TPPP: variants seen among roughly 807,000 people sequenced by gnomAD.
The protein encoded by TPPP is tubulin polymerization-promoting protein.
Under a neutral mutation model 15.5 loss-of-function variants are expected in TPPP, and 6 were observed. That is an observed-to-expected ratio of 0.39 (90% confidence interval 0.21 to 0.77). The LOEUF (loss-of-function observed/expected upper bound fraction) is 0.77, where lower values mean the gene tolerates loss of function less well. TPPP is among the 30% of genes least tolerant of loss of function. The probability of loss-of-function intolerance (pLI) is 0.42; values close to 1 mark genes in which losing one functional copy is unlikely to be tolerated. For synonymous variants in TPPP, 146 were observed against 133.9 expected, an observed-to-expected ratio of 1.09 and a Z score of -0.63; for missense variants, 269 against 307.2, an observed-to-expected ratio of 0.88 and a Z score of 0.93.
intron 2 of TPPP, among the ~76,000 whole-genome samples, chr5:671,402 C>T (rs890048177): frequency 3.9e-5 from 6 of 152,126 alleles, no homozygotes; most frequent in Admixed American, 6.5e-5. Flanking sequence ...CGGCTGCCTC[C>T]ATCCACCCCA....
intron 1 of TPPP, among the ~76,000 whole-genome samples, chr5:678,672 A>G (rs1209887680): frequency 6.7e-6 from 1 of 148,648 alleles, no homozygotes; most frequent in Non-Finnish European, 1.5e-5. Context: ...TGCTCTTCCC[A>G]GGAGCCCTGG....
Position 665,135 on chromosome 5 carries a change from G to A in TPPP, c.627C>T (p.Gly209=). Reference sequence around the variant, plus strand: ...CCCCTTGCACCTTCTGGTCGTAGGTGCCTGCGTGCTTGTAGCCGGACACAT... The same window carrying A: ...CCCCTTGCACCTTCTGGTCGTAGGTACCTGCGTGCTTGTAGCCGGACACAT... The part of the protein sequence containing the change: ...SGYVSGYKHA[G]TYDQKVQGGK Residue 209 remains glycine (G), a synonymous_variant, in exon 4 of 4, where the codon GGC becomes GGT. Coordinates refer to ENST00000360578, the MANE Select transcript of TPPP (RefSeq NM_007030.3). 6.2e-7 allele frequency: 1 copy of A among 1,612,586 alleles called. No homozygotes were observed. Among genetic ancestry groups the A allele is most frequent in the South Asian group, 1.1e-5 (1 of 91,082 alleles).
intron 1 of TPPP, among the ~76,000 whole-genome samples, chr5:686,843 A>C (rs1248167783): frequency 7.0e-6 from 1 of 142,514 alleles, no homozygotes; most frequent in Non-Finnish European, 1.6e-5. Context: ...AGATTCAGCT[A>C]TGGGGGCCAG....
At chr5:686,567 G>C (rs409577) in intron 1 of TPPP, among the ~76,000 whole-genome samples, 81,800 of 122,860 alleles carry the variant, frequency 0.67, 29,482 homozygotes, top group African/African-American at 0.9. Context: ...TGGAACCAGG[G>C]CAGCTCTGGG....
intron 2 of TPPP, among the ~76,000 whole-genome samples, chr5:668,984 T>G (rs113366310): frequency 3.3e-5 from 5 of 152,278 alleles, no homozygotes; most frequent in East Asian, 3.9e-4. Flanking sequence ...AGGGTTCCCA[T>G]ACACTTTACA....
At chr5:670,331 C>T (rs1740172680) in intron 2 of TPPP, among the ~76,000 whole-genome samples, 1 of 152,190 alleles carries the variant, frequency 6.6e-6, no homozygotes, top group Non-Finnish European at 1.5e-5. Flanking sequence ...CTCCCCTGGG[C>T]TCTCTGGGCC....
chr5:671,671 AC>A (rs540046512), intron 2 of TPPP, among the ~76,000 whole-genome samples: 165 of 152,288 alleles, frequency 1.1e-3, no homozygotes, highest in Non-Finnish European at 1.7e-3. Flanking sequence ...AAGCTCCTGA[AC>A]CCTCAGCCAC....
intron 2 of TPPP, among the ~76,000 whole-genome samples, chr5:668,760 C>G (rs1351873960): frequency 6.6e-6 from 1 of 152,238 alleles, no homozygotes; most frequent in Non-Finnish European, 1.5e-5. Flanking sequence ...CTCGTAGTCA[C>G]CAAACCCCAA....
At chr5:672,336 G>A (rs979107152) in intron 2 of TPPP, among the ~76,000 whole-genome samples, 3 of 152,226 alleles carry the variant, frequency 2.0e-5, no homozygotes, top group Non-Finnish European at 4.4e-5. Flanking sequence ...CCAGGTATCA[G>A]TCTAACCCCC....
chr5:669,580 G>T (rs1042888692), intron 2 of TPPP, among the ~76,000 whole-genome samples: 5 of 152,154 alleles, frequency 3.3e-5, no homozygotes, highest in African/African-American at 1.2e-4. Context: ...CTGACTGCCA[G>T]CCTGGTGACC....
chr5:696,578 G>T (rs1353920824), upstream of TPPP, among the ~76,000 whole-genome samples: 22 of 139,318 alleles, frequency 1.6e-4, no homozygotes, highest in African/African-American at 5.3e-4. Flanking sequence ...TACAGCCTAG[G>T]TGCATGAGGT....
intron 1 of TPPP, among the ~76,000 whole-genome samples, chr5:681,594 G>T (rs1740623746): frequency 6.6e-6 from 1 of 152,182 alleles, no homozygotes; most frequent in Non-Finnish European, 1.5e-5. Context: ...CACAGCACAT[G>T]CCCCTTCCCT....
chr5:669,415 A>C (rs1475854850), intron 2 of TPPP, among the ~76,000 whole-genome samples: 1 of 152,126 alleles, frequency 6.6e-6, no homozygotes, highest in Non-Finnish European at 1.5e-5. Context: ...AGGCCACCCC[A>C]GGCAGCCCAC....
At position 663,087 on chromosome 5, in the gene TPPP, T is replaced by TGACTGGGC. The variant is rs1739727371; in HGVS notation, c.*2014_*2015insGCCCAGTC. On this transcript the variant is annotated 3_prime_UTR_variant, in exon 4 of 4. Coordinates refer to ENST00000360578, the MANE Select transcript of TPPP (RefSeq NM_007030.3). ...GGTGATTCCGATGACTGCTTGTCTG[T>TGACTGGGC]GATTGGGCGATTCCGGTGGCCGCTC... 1 of 150,862 alleles carries TGACTGGGC rather than the reference T, an allele frequency of 6.6e-6. No individual in the cohort carries two copies. The highest frequency in any genetic ancestry group is 1.5e-5 in the Non-Finnish European group (1 of 67,718). The allele number at this position is 150,862 out of a possible 1,614,324, so 9.3% of individuals were successfully genotyped here. A position where few individuals can be genotyped will look rare whatever the true frequency, so the allele number is the denominator to read the frequency against.
upstream of TPPP, chr5:693,379 CCCGCCCAGCA>C (rs1214098839): frequency 4.1e-5 from 6 of 145,356 alleles, no homozygotes; most frequent in African/African-American, 1.5e-4. Context: ...GCCCGCCCGT[CCCGCCCAGCA>C]CCGCCCAGCC....
intron 1 of TPPP, among the ~76,000 whole-genome samples, chr5:688,934 A>G (rs934231075): frequency 8.7e-6 from 1 of 114,762 alleles, no homozygotes; most frequent in Non-Finnish European, 2.1e-5. Flanking sequence ...CCCTGGGCTC[A>G]GGGGGAGGGG....
chr5:666,066 G>A lies in TPPP; in HGVS notation c.369C>T (p.Leu123=), dbSNP rs752217448. The change falls in exon 3 of 4, where the codon CTC becomes CTT. Residue 123 remains leucine (L), a synonymous_variant. Coordinates refer to ENST00000360578, the MANE Select transcript of TPPP (RefSeq NM_007030.3). ...FEQFQEALEE[L]AKKRFKDKSS... ...TCTTGTCTTTGAATCGCTTCTTGGCGAGCTCCTCCAGCGCCTCCTGGAACT... is the reference window on the plus strand; with the variant it reads ...TCTTGTCTTTGAATCGCTTCTTGGCAAGCTCCTCCAGCGCCTCCTGGAACT... 3.8e-5 allele frequency: 62 copies of A among 1,612,204 alleles called. No individual in the cohort carries two copies. Among genetic ancestry groups the A allele is most frequent in the Admixed American group, 3.7e-4 (22 of 59,976 alleles).
At chr5:675,565 CTGGGGGTGCGGTGTGG>C in intron 2 of TPPP, among the ~76,000 whole-genome samples, 1 of 92,734 alleles carries the variant, frequency 1.1e-5, no homozygotes, top group East Asian at 2.7e-4. Context: ...TGCAGTGTGG[CTGGGGGTGCGGTGTGG>C]CCAGGGGTGC....
At chr5:670,936 C>T (rs1561084153) in intron 2 of TPPP, among the ~76,000 whole-genome samples, 1 of 152,204 alleles carries the variant, frequency 6.6e-6, no homozygotes, top group Non-Finnish European at 1.5e-5. Context: ...GAAACCGGAG[C>T]CCTTCCTGCA....
Sources: allele counts gnomAD v4.1 joint callset (sites outside exome capture counted in the v4.1 genomes callset), GRCh38; gene constraint gnomAD v4.1.1; transcripts MANE v1.5; gene names NCBI Gene and HGNC (gene_info 2026-07-23, HGNC 2026-07-21).